The following SBF2 variants were observed in gnomAD, a reference collection of about 807,000 sequenced individuals.
The protein encoded by SBF2 is SET binding factor 2.
A neutral mutation model predicts 225.2 loss-of-function variants in SBF2; 112 were observed. The observed-to-expected ratio is 0.50, with a 90% CI of 0.43 to 0.58. The LOEUF (loss-of-function observed/expected upper bound fraction) is 0.58, where lower values mean the gene tolerates loss of function less well. SBF2 is among the 20% of genes least tolerant of loss of function. The pLI is 0.00. For missense variants in SBF2, 1,996 were observed against 2,206.2 expected, an observed-to-expected ratio of 0.90 and a Z score of 1.91; for synonymous variants, 763 against 773.3, an observed-to-expected ratio of 0.99 and a Z score of 0.22.
rs869312970 is a variant in SBF2, at chr11:9,832,274, T to C, written c.3602A>G (p.His1201Arg). The C allele has an allele frequency of 6.2e-7, 1 of 1,614,204 alleles. No homozygotes were observed. Among genetic ancestry groups the C allele is most frequent in the Non-Finnish European group, 8.5e-7 (1 of 1,180,036 alleles). ...GTLLLRSGGF[H>R]GKGVVGLFKS... ...GAAAAGACCAACGACTCCCTTCCCA[T>C]GGAATCCTCCAGATCGGAGGAGCAG... The change falls in exon 27 of 40, where the codon CAT becomes CGT. Residue 1201 changes from histidine (H) to arginine (R), a missense_variant. By Grantham distance (29) the His-to-Arg change is conservative. Coordinates refer to ENST00000256190, the MANE Select transcript of SBF2 (RefSeq NM_030962.4).
rs1851904224 is a variant in SBF2, at chr11:9,779,837, C to G, written c.*581G>C. 1 of 178,066 alleles carries G rather than the reference C, an allele frequency of 5.6e-6. No homozygotes were observed. The highest frequency in any genetic ancestry group is 2.4e-5 in the African/African-American group (1 of 42,406). 11.0% of individuals were successfully genotyped at this position (178,066 alleles called of 1,614,324 possible). A position where few individuals can be genotyped will look rare whatever the true frequency, so the allele number is the denominator to read the frequency against. ...ATCAGAATAATGCTGTGTGCTCCCT[C>G]TTTGCCTGCTACTGAACAATGACGT... On this transcript the variant is annotated 3_prime_UTR_variant, in exon 40 of 40. Transcript: ENST00000256190.
chr11:9,947,337 C>T (rs751634133), intron 16 of SBF2, among the ~76,000 whole-genome samples: 2 of 152,078 alleles, frequency 1.3e-5, no homozygotes. Context: ...TGTCTATGAC[C>T]GCTCTAAAAG....
At chr11:9,807,635 C>G (rs991704915) in intron 32 of SBF2, among the ~76,000 whole-genome samples, 8 of 152,168 alleles carry the variant, frequency 5.3e-5, no homozygotes, top group Non-Finnish European at 8.8e-5. Context: ...CAGGCACAAG[C>G]TGGGGTCCTC....
Position 9,840,654 on chromosome 11 carries a change from T to C in SBF2, c.3257-958A>G, listed in dbSNP as rs75020205. On this transcript the variant is annotated intron_variant, in intron 25 of 39. Transcript: ENST00000256190. ...ATAAAATCACTATACAAACTCATCA[T>C]CCAGATTTCAGTTTACTTTTCAGAC... Among the ~76,000 whole-genome samples, 266 of 152,336 alleles carry C rather than the reference T, an allele frequency of 1.7e-3. 1 individual carries two copies. The highest frequency in any genetic ancestry group is 6.0e-3 in the African/African-American group (248 of 41,586).
rs138121403 is a variant in SBF2, at chr11:10,236,288, T to A, written c.56-42301A>T. The stretch of plus-strand genomic sequence containing the variant: ...GCAACATAGTAAGATCCCATCTCTA[T>A]TAACAATTTTTTATAATAAAAAAAT... On this transcript the variant is annotated intron_variant, in intron 1 of 39. Coordinates refer to ENST00000256190, the MANE Select transcript of SBF2 (RefSeq NM_030962.4). 3.4e-3 allele frequency among the ~76,000 whole-genome samples: 524 copies of A among 152,234 alleles called. 3 individuals are homozygous for A. The highest frequency in any genetic ancestry group is 0.012 in the African/African-American group (503 of 41,546).
chr11:10,220,848 C>T (rs960934508), intron 1 of SBF2, among the ~76,000 whole-genome samples: 1 of 152,134 alleles, frequency 6.6e-6, no homozygotes, highest in African/African-American at 2.4e-5. Context: ...TTGTTAGGCC[C>T]CCACATACAT....
At chr11:10,058,431 G>A (rs1258397808) in intron 2 of SBF2, among the ~76,000 whole-genome samples, 1 of 152,054 alleles carries the variant, frequency 6.6e-6, no homozygotes, top group East Asian at 1.9e-4. Context: ...CTTGAAGACT[G>A]GTTCTCTCAA....
chr11:10,126,647 C>T (rs1383202051), intron 2 of SBF2, among the ~76,000 whole-genome samples: 1 of 151,976 alleles, frequency 6.6e-6, no homozygotes, highest in East Asian at 1.9e-4. Flanking sequence ...AAATTAAACA[C>T]AAAATTTCAT....
intron 2 of SBF2, among the ~76,000 whole-genome samples, chr11:10,179,086 T>C (rs1234760379): frequency 1.3e-5 from 2 of 148,738 alleles, no homozygotes; most frequent in Non-Finnish European, 3.0e-5. Flanking sequence ...CAGTAAACTA[T>C]CGCAAGAACA....
chr11:10,257,832 AT>A, intron 1 of SBF2, among the ~76,000 whole-genome samples: 1 of 152,072 alleles, frequency 6.6e-6, no homozygotes, highest in East Asian at 1.9e-4. Flanking sequence ...CTCTGTCTCT[AT>A]AAAAACTAGA....
At chr11:10,017,891 T>C (rs1294128435) in intron 6 of SBF2, among the ~76,000 whole-genome samples, 1 of 152,202 alleles carries the variant, frequency 6.6e-6, no homozygotes, top group Non-Finnish European at 1.5e-5. Context: ...TACTTCCTTC[T>C]TGAACATTCT....
At chr11:10,293,725 G>C (rs1964321395) in intron 1 of SBF2, among the ~76,000 whole-genome samples, 1 of 152,218 alleles carries the variant, frequency 6.6e-6, no homozygotes, top group African/African-American at 2.4e-5. Flanking sequence ...GTACCCTGCA[G>C]CCTCCAGCGG....
At chr11:9,906,868 G>A (rs1291610899) in intron 16 of SBF2, among the ~76,000 whole-genome samples, 1 of 152,150 alleles carries the variant, frequency 6.6e-6, no homozygotes, top group Admixed American at 6.5e-5. Flanking sequence ...TGAAGAGTGA[G>A]CCCTGCAATC....
chr11:9,896,933 CTG>C (rs1221209644), intron 16 of SBF2, among the ~76,000 whole-genome samples: 2 of 152,100 alleles, frequency 1.3e-5, no homozygotes, highest in African/African-American at 2.4e-5. Context: ...GGCACAGTGA[CTG>C]TGGAAAACAG....
At chr11:9,992,259 A>C (rs1947471869) in intron 12 of SBF2, among the ~76,000 whole-genome samples, 156 bp downstream of exon 12, 1 of 152,156 alleles carries the variant, frequency 6.6e-6, no homozygotes, top group African/African-American at 2.4e-5. Flanking sequence ...ATCCACATTA[A>C]AATATCGAGA....
chr11:9,785,534 C>T (rs975567729), intron 36 of SBF2, among the ~76,000 whole-genome samples: 1 of 152,154 alleles, frequency 6.6e-6, no homozygotes, highest in African/African-American at 2.4e-5. Context: ...TATGGCATTT[C>T]CATACAGTGG....
intron 16 of SBF2, among the ~76,000 whole-genome samples, chr11:9,951,463 G>A (rs1865857124): frequency 6.6e-6 from 1 of 152,122 alleles, no homozygotes; most frequent in South Asian, 2.1e-4. Flanking sequence ...AGATTTGGAA[G>A]GCAGAAGCAA....
intron 32 of SBF2, among the ~76,000 whole-genome samples, chr11:9,797,085 G>A (rs1459819292): frequency 6.6e-6 from 1 of 152,156 alleles, no homozygotes; most frequent in East Asian, 1.9e-4. Context: ...CTCAAAAGCT[G>A]GTTCAAATTA....
At chr11:10,114,396 C>T (rs1953032029) in intron 2 of SBF2, among the ~76,000 whole-genome samples, 1 of 152,058 alleles carries the variant, frequency 6.6e-6, no homozygotes, top group Admixed American at 6.5e-5. Flanking sequence ...TTCTCTGGTT[C>T]TAAAACTCCT....
Sources: gnomAD v4.1 joint callset for allele counts (sites outside exome capture counted in the v4.1 genomes callset) on GRCh38, gnomAD v4.1.1 for gene constraint, MANE v1.5 for transcripts, NCBI Gene and HGNC (gene_info 2026-07-23, HGNC 2026-07-21) for gene names.